Variants in KLHL2 observed in about 807,000 individuals in gnomAD.
KLHL2 encodes the protein kelch-like protein 2.
In KLHL2, 15 loss-of-function variants were observed where a neutral mutation model predicts 75.8. The ratio of observed to expected loss-of-function variants is 0.20; its 90% CI spans 0.13 to 0.30. The LOEUF (loss-of-function observed/expected upper bound fraction) is 0.30, where lower values mean the gene tolerates loss of function less well. KLHL2 is among the 10% of genes least tolerant of loss of function. The pLI is 1.00. For missense variants in KLHL2, 381 were observed against 741.0 expected (o/e 0.51, Z 5.64); for synonymous variants, 214 against 251.9 (o/e 0.85, Z 1.42).
chr4:165,269,579 G>T (rs1742515531), intron 5 of KLHL2, among the ~76,000 whole-genome samples: 2 of 147,684 alleles, frequency 1.4e-5, no homozygotes, highest in Admixed American at 1.4e-4. Context: ...ATGAAGCTGA[G>T]TTTGGCTGGA....
intron 4 of KLHL2, among the ~76,000 whole-genome samples, chr4:165,252,068 A>T (rs1277078270): frequency 1.3e-5 from 2 of 152,212 alleles, no homozygotes; most frequent in Non-Finnish European, 2.9e-5. Flanking sequence ...AAGTAGTTTC[A>T]TGTGGTACAT....
chr4:165,279,460 A>C (rs765670700), intron 5 of KLHL2: 60 of 1,599,592 alleles, frequency 3.8e-5, no homozygotes, highest in Non-Finnish European at 5.1e-5. Context: ...CATAGACAGA[A>C]TGTAGAATTT....
intron 5 of KLHL2, among the ~76,000 whole-genome samples, chr4:165,284,528 G>T (rs1214111526): frequency 6.6e-6 from 1 of 152,080 alleles, no homozygotes; most frequent in African/African-American, 2.4e-5. Context: ...TCTCGGCGTG[G>T]ATTTCATTGT....
intron 11 of KLHL2, among the ~76,000 whole-genome samples, chr4:165,311,809 CTGTGTGTGTG>C (rs60870309): frequency 0.071 from 10,353 of 144,850 alleles, 479 homozygotes; most frequent in Middle Eastern, 0.15. Flanking sequence ...TCCTTTCTCT[CTGTGTGTGTG>C]TGTGTGTGTG....
intron 5 of KLHL2, among the ~76,000 whole-genome samples, chr4:165,264,567 G>T: frequency 7.1e-6 from 1 of 141,706 alleles, no homozygotes; most frequent in African/African-American, 2.7e-5. Context: ...CTTTTTTTAT[G>T]GCAGAGTAGT....
chr4:165,264,749 T>TATATATAC (rs1742089324), intron 5 of KLHL2, among the ~76,000 whole-genome samples: 2 of 73,722 alleles, frequency 2.7e-5, no homozygotes, highest in South Asian at 3.7e-4. Flanking sequence ...TGTATATATA[T>TATATATAC]ATATATATAT....
intron 1 of KLHL2, 131 bp downstream of exon 1, chr4:165,208,033 G>A (rs993236068): frequency 1.9e-6 from 1 of 520,288 alleles, no homozygotes; most frequent in South Asian, 8.6e-5. Flanking sequence ...GGGGCGTGAC[G>A]AGGCGCTGTG....
chr4:165,296,315 C>T (rs1449895722), intron 6 of KLHL2, among the ~76,000 whole-genome samples: 1 of 152,226 alleles, frequency 6.6e-6, no homozygotes. Context: ...CTCCTTTCTT[C>T]TCTGTAACTT....
At chr4:165,276,209 TATTA>T (rs1234525960) in intron 5 of KLHL2, among the ~76,000 whole-genome samples, 1 of 152,190 alleles carries the variant, frequency 6.6e-6, no homozygotes, top group Non-Finnish European at 1.5e-5. Flanking sequence ...TTAACTCTGT[TATTA>T]GTTTATATAT....
intron 13 of KLHL2, among the ~76,000 whole-genome samples, chr4:165,314,696 C>T (rs1038321093): frequency 6.6e-6 from 1 of 151,972 alleles, no homozygotes; most frequent in African/African-American, 2.4e-5. Flanking sequence ...AAAGCAACAA[C>T]AATAACAACA....
chr4:165,258,002 T>C (rs1432030211), intron 4 of KLHL2, among the ~76,000 whole-genome samples: 1 of 151,956 alleles, frequency 6.6e-6, no homozygotes, highest in Non-Finnish European at 1.5e-5. Context: ...GGCACACAGA[T>C]AAACTGAGAG....
chr4:165,228,326 CTG>C (rs1738618051), intron 2 of KLHL2, among the ~76,000 whole-genome samples: 1 of 151,800 alleles, frequency 6.6e-6, no homozygotes, highest in South Asian at 2.1e-4. Flanking sequence ...GCAAGTGTAA[CTG>C]AATATAATTT....
chr4:165,228,392 G>T (rs1738625444), intron 2 of KLHL2, among the ~76,000 whole-genome samples: 1 of 151,320 alleles, frequency 6.6e-6, no homozygotes, highest in African/African-American at 2.4e-5. Flanking sequence ...TTTTGAGAGG[G>T]GATGGGTATT....
rs1736920758 is a variant in KLHL2, at chr4:165,207,700, G to A, written c.-177G>A. On this transcript the variant is annotated 5_prime_UTR_variant, in exon 1 of 15. Coordinates refer to ENST00000226725, the MANE Select transcript of KLHL2 (RefSeq NM_007246.4). The surrounding 1 kb of genome is among the most constrained non-coding windows in gnomAD (Gnocchi z 4.2). ...GTAGACGGAGCGCGCCCGGCCGAGC[G>A]GGCCATGGCCGCGGGGGCCGCCGCC... The A allele has an allele frequency of 9.0e-6, 2 of 222,646 alleles. No individual in the cohort carries two copies. The highest frequency in any genetic ancestry group is 4.7e-5 in the African/African-American group (2 of 42,540). 13.8% of individuals were successfully genotyped at this position (222,646 alleles called of 1,614,324 possible).
intron 10 of KLHL2, 65 bp from the exon 11 acceptor site, chr4:165,311,399 T>G: frequency 8.8e-7 from 1 of 1,142,238 alleles, no homozygotes; most frequent in South Asian, 1.4e-5. Context: ...GAAGTATTTT[T>G]CCATATATAT....
At chr4:165,311,687 C>T (rs561343982) in intron 11 of KLHL2, 122 bp downstream of exon 11, 3 of 694,528 alleles carry the variant, frequency 4.3e-6, no homozygotes, top group East Asian at 2.6e-5. Flanking sequence ...AAAGAAAAGT[C>T]GTAATTACTG....
chr4:165,264,727 T>TATATATATATATATATATATATAC (rs1742063107), intron 5 of KLHL2, among the ~76,000 whole-genome samples: 1 of 74,110 alleles, frequency 1.3e-5, no homozygotes, highest in Non-Finnish European at 2.6e-5. Flanking sequence ...TATACATATA[T>TATATATATATATATATATATATAC]ATATATATAT....
intron 14 of KLHL2, among the ~76,000 whole-genome samples, chr4:165,320,444 T>C (rs1245944871): frequency 6.6e-6 from 1 of 152,184 alleles, no homozygotes; most frequent in Non-Finnish European, 1.5e-5. Flanking sequence ...TATTTTGATA[T>C]TGGACAGTGC....
At chr4:165,320,570 A>G (rs1412457226) in intron 14 of KLHL2, among the ~76,000 whole-genome samples, 1 of 152,234 alleles carries the variant, frequency 6.6e-6, no homozygotes, top group African/African-American at 2.4e-5. Flanking sequence ...GGAACCTTAA[A>G]GTTTCATTAT....
Sources: allele counts gnomAD v4.1 joint callset (sites outside exome capture counted in the v4.1 genomes callset), GRCh38; gene constraint gnomAD v4.1.1; non-coding constraint Gnocchi (gnomAD v3.1); transcripts MANE v1.5; gene names NCBI Gene and HGNC (gene_info 2026-07-23, HGNC 2026-07-21).